The following SYT14 variants were observed in gnomAD, a reference collection of about 807,000 sequenced individuals.
SYT14 encodes synaptotagmin 14, also known as synaptotagmin-14.
SYT14 carries 32 observed loss-of-function variants against 74.2 expected under a neutral mutation model. The ratio of observed to expected loss-of-function variants is 0.43; its 90% CI spans 0.33 to 0.58. The LOEUF (loss-of-function observed/expected upper bound fraction) is 0.58. SYT14 is among the 20% of genes least tolerant of loss of function. The pLI, the probability that SYT14 is intolerant of heterozygous loss-of-function variation, is 0.05. For synonymous variants in SYT14, 298 were observed against 337.7 expected (o/e 0.88, Z 1.29); for missense variants, 791 against 981.8 (o/e 0.81, Z 2.60).
intron 2 of SYT14, among the ~76,000 whole-genome samples, chr1:209,977,264 T>G (rs1330380648): frequency 1.3e-5 from 2 of 152,216 alleles, no homozygotes; most frequent in African/African-American, 2.4e-5. Flanking sequence ...GTTAGCTGGT[T>G]ATTTTGCTCG....
At chr1:210,078,772 G>A (rs2081562758) in intron 5 of SYT14, among the ~76,000 whole-genome samples, 1 of 151,154 alleles carries the variant, frequency 6.6e-6, no homozygotes. Context: ...TTTGAGACAG[G>A]GTCTTACCCT....
At position 210,160,666 on chromosome 1, in the gene SYT14, TA is replaced by T. The variant is rs1250489371; in HGVS notation, c.2282-57del. 6 of 1,422,546 alleles carry T rather than the reference TA, an allele frequency of 4.2e-6. No individual in the cohort carries two copies. The African/African-American group carries it at 7.1e-5, about 17-fold the overall frequency. The allele number at this position is 1,422,546 out of a possible 1,614,324, so 88.1% of individuals were successfully genotyped here. A position where few individuals can be genotyped will look rare whatever the true frequency, so the allele number is the denominator to read the frequency against. On this transcript the variant is annotated intron_variant, in intron 9 of 9. Coordinates refer to ENST00000637265, the Ensembl canonical transcript of SYT14. ...ATAAATACTTAATTTTCTTAGCCTATAAAAAATTGTTTTGAGTTTGTTTCAA... is the reference window on the plus strand; with the variant it reads ...ATAAATACTTAATTTTCTTAGCCTATAAAAATTGTTTTGAGTTTGTTTCAA...
chr1:209,985,083 C>A (rs150962782), intron 2 of SYT14, among the ~76,000 whole-genome samples: 347 of 152,316 alleles, frequency 2.3e-3, no homozygotes, highest in African/African-American at 7.7e-3. Context: ...AATCTCATGT[C>A]CTTCTCATGT....
intron 2 of SYT14, among the ~76,000 whole-genome samples, chr1:209,999,429 G>GTT (rs761635024): frequency 1.6e-4 from 25 of 152,028 alleles, no homozygotes; most frequent in Middle Eastern, 3.2e-3. Context: ...GAAGAAATTA[G>GTT]TTTATCAGTG....
At chr1:210,038,070 C>T (rs2080707701) in intron 5 of SYT14, among the ~76,000 whole-genome samples, 1 of 95,068 alleles carries the variant, frequency 1.1e-5, no homozygotes, top group African/African-American at 8.1e-5. Flanking sequence ...GTATTGCTGT[C>T]TGTCTCAGAT....
rs138939345 is a variant in SYT14 at position 210,160,899 on chromosome 1, C to T, written c.2452C>T (p.Arg818Cys). 6.8e-6 allele frequency: 11 copies of T among 1,613,716 alleles called. No homozygotes were observed. The highest frequency in any genetic ancestry group is 1.1e-5 in the South Asian group (1 of 91,066). ...ACTCATACTGTCTGTGTATAACAAA[C>T]GCAGCATGAAAAGAAAAGAGATGAT... The change falls in exon 10 of 10, where the codon CGC (arginine) becomes TGC (cysteine). Residue 818 changes from arginine to cysteine, a missense_variant. Arg to Cys is a radical substitution (Grantham distance 180). Coordinates refer to ENST00000637265, the Ensembl canonical transcript of SYT14.
At chr1:209,964,824 T>C (rs928379545) in intron 2 of SYT14, among the ~76,000 whole-genome samples, 2 of 151,870 alleles carry the variant, frequency 1.3e-5, no homozygotes, top group Non-Finnish European at 2.9e-5. Context: ...CAAAAAAAAA[T>C]GCAGATTTCC....
chr1:210,131,525 C>T (rs995013145), intron 7 of SYT14, among the ~76,000 whole-genome samples: 2 of 151,398 alleles, frequency 1.3e-5, no homozygotes, highest in African/African-American at 4.8e-5. Context: ...GAAAATTATC[C>T]TTCTATTTTT....
At chr1:210,166,732 A>G (rs2083459894) in exon 10 of SYT14, 1 of 152,194 alleles carries the variant, frequency 6.6e-6, no homozygotes, top group Non-Finnish European at 1.5e-5. Context: ...AGGGAGCCCA[A>G]TAATCTACAT....
intron 5 of SYT14, among the ~76,000 whole-genome samples, chr1:210,034,915 A>G (rs1450821461): frequency 1.3e-5 from 2 of 151,900 alleles, no homozygotes; most frequent in African/African-American, 4.8e-5. Context: ...TGCTACTGTG[A>G]ATAGTGCTAT....
chr1:210,052,468 G>T (rs1385039762), intron 5 of SYT14, among the ~76,000 whole-genome samples: 1 of 151,956 alleles, frequency 6.6e-6, no homozygotes, highest in African/African-American at 2.4e-5. Flanking sequence ...TTTGAGACAA[G>T]CCTGGCCAGC....
chr1:210,068,790 GT>G (rs2081341975), intron 5 of SYT14, among the ~76,000 whole-genome samples: 1 of 151,356 alleles, frequency 6.6e-6, no homozygotes, highest in Admixed American at 6.6e-5. Flanking sequence ...TATAGAATTG[GT>G]TTTTTAAAAA....
At chr1:209,939,676 C>CT (rs905676262) in intron 1 of SYT14, among the ~76,000 whole-genome samples, 6 of 152,144 alleles carry the variant, frequency 3.9e-5, no homozygotes, top group Non-Finnish European at 7.4e-5. Context: ...ATGTTGTGTA[C>CT]TTTATTTTCC....
In SYT14 at chr1:210,021,030, T is replaced by C. The variant is rs1438574558; in HGVS notation, c.1097-9T>C. ...AATTACCGTTTGTTCTTCATGTCAT[T>C]CCAAATAGATAATTCCTACATGGAC... is the stretch of plus-strand genomic sequence containing the variant. On this transcript the variant is annotated splice_polypyrimidine_tract_variant and intron_variant, in intron 4 of 9. Transcript: ENST00000637265. The C allele has an allele frequency of 2.5e-6, 4 of 1,613,318 alleles. No individual in the cohort carries two copies. Among genetic ancestry groups the C allele is most frequent in the Non-Finnish European group, 3.4e-6 (4 of 1,179,446 alleles).
In SYT14 at chr1:209,938,516, C is replaced by T. The variant is rs963938797; in HGVS notation, c.-534+239C>T. 8.6e-5 allele frequency among the ~76,000 whole-genome samples: 13 copies of T among 152,038 alleles called. No homozygotes were observed. In the East Asian group the frequency reaches 2.5e-3, roughly 30 times the overall value. ...CTTCGTGGTTTTGCCGGCCTCCCGG[C>T]GGCCGCACGCGGGGCAAAGCGGGCT... On this transcript the variant is annotated intron_variant, in intron 1 of 9. Coordinates refer to ENST00000637265, the Ensembl canonical transcript of SYT14.
chr1:210,005,278 T>C (rs2102892864), intron 2 of SYT14, among the ~76,000 whole-genome samples: 1 of 152,086 alleles, frequency 6.6e-6, no homozygotes, highest in East Asian at 1.9e-4. Context: ...GAGAGGAAGA[T>C]GGTGTCTCTC....
At chr1:210,147,844 G>A (rs1157188357) in intron 7 of SYT14, among the ~76,000 whole-genome samples, 2 of 152,102 alleles carry the variant, frequency 1.3e-5, no homozygotes, top group Non-Finnish European at 2.9e-5. Context: ...TGACATATGA[G>A]CAAAGACTTG....
chr1:210,082,977 T>G (rs2081643963), intron 5 of SYT14, among the ~76,000 whole-genome samples: 1 of 151,952 alleles, frequency 6.6e-6, no homozygotes, highest in African/African-American at 2.4e-5. Flanking sequence ...ATGGGTTATT[T>G]CTTTTTTTTT....
At chr1:210,038,947 G>C (rs1454885216) in intron 5 of SYT14, among the ~76,000 whole-genome samples, 1 of 152,046 alleles carries the variant, frequency 6.6e-6, no homozygotes, top group East Asian at 1.9e-4. Flanking sequence ...CTGGATGTCT[G>C]AATCTCTAGC....
Sources: allele counts gnomAD v4.1 joint callset (sites outside exome capture counted in the v4.1 genomes callset), GRCh38; gene constraint gnomAD v4.1.1; transcripts MANE v1.5; gene names NCBI Gene and HGNC (gene_info 2026-07-23, HGNC 2026-07-21).